Variants in NOD1 observed in about 807,000 individuals in gnomAD.
The protein encoded by NOD1 is nucleotide binding oligomerization domain containing 1.
Under a neutral mutation model 81.2 loss-of-function variants are expected in NOD1, and 70 were observed. The ratio of observed to expected loss-of-function variants is 0.86; its 90% CI spans 0.71 to 1.05. The LOEUF (loss-of-function observed/expected upper bound fraction) is 1.05. NOD1 is among the 50% of genes least tolerant of loss of function. The probability of loss-of-function intolerance (pLI) is 0.00; values close to 1 mark genes in which losing one functional copy is unlikely to be tolerated. For synonymous variants in NOD1, 508 were observed against 526.9 expected, an observed-to-expected ratio of 0.96 and a Z score of 0.49; for missense variants, 1,233 against 1,228.0, an observed-to-expected ratio of 1.00 and a Z score of -0.06.
intron 4 of NOD1, 28 bp downstream of exon 4, chr7:30,456,693 G>GT: frequency 6.2e-7 from 1 of 1,605,200 alleles, no homozygotes; most frequent in Non-Finnish European, 8.5e-7. Context: ...TCCACACAAT[G>GT]CCATGCCCGT....
intron 12 of NOD1, among the ~76,000 whole-genome samples, chr7:30,431,824 C>T (rs1783979065): frequency 6.6e-6 from 1 of 152,166 alleles, no homozygotes; most frequent in South Asian, 2.1e-4. Context: ...AAACTATTGG[C>T]CAGGTGCAGT....
chr7:30,438,793 T>TATAGATAC (rs1483710949), intron 9 of NOD1, among the ~76,000 whole-genome samples: 1 of 152,186 alleles, frequency 6.6e-6, no homozygotes, highest in Non-Finnish European at 1.5e-5. Context: ...CCTACTATAG[T>TATAGATAC]ATAGATACAT....
intron 6 of NOD1, among the ~76,000 whole-genome samples, chr7:30,448,683 C>T (rs183344284): frequency 9.7e-4 from 148 of 152,306 alleles, no homozygotes; most frequent in African/African-American, 3.4e-3. Context: ...CCACCCTTTG[C>T]GTGTGACCTA....
chr7:30,456,039 C>T (rs1442481819), intron 4 of NOD1, among the ~76,000 whole-genome samples: 1 of 152,164 alleles, frequency 6.6e-6, no homozygotes, highest in African/African-American at 2.4e-5. Context: ...TTAAAAACGG[C>T]TTTTTTTCTT....
At chr7:30,475,925 A>G (rs1164201693) in intron 1 of NOD1, 3 of 152,206 alleles carry the variant, frequency 2.0e-5, no homozygotes, top group Non-Finnish European at 4.4e-5. Context: ...TTTTTCCAGA[A>G]ACCAGGTCAG....
In NOD1 at chr7:30,425,353, GATAAAA is replaced by G. The variant is rs974892052; in HGVS notation, c.*279_*284del. On this transcript the variant is annotated 3_prime_UTR_variant, in exon 14 of 14. Transcript: ENST00000222823. ...TCACAGCTTTATTCCTCTAGCTTCA[GATAAAA>G]ATAATTATAATAGGCAATAAAGTCT... The G allele has an allele frequency of 7.9e-6, 3 of 378,828 alleles. No individual in the cohort carries two copies. The highest frequency in any genetic ancestry group is 4.8e-6 in the Non-Finnish European group (1 of 208,014). 23.5% of individuals were successfully genotyped at this position (378,828 alleles called of 1,614,324 possible). A position where few individuals can be genotyped will look rare whatever the true frequency, so the allele number is the denominator to read the frequency against.
At position 30,456,842 on chromosome 7, in the gene NOD1, C is replaced by G; in HGVS notation, c.80G>C (p.Arg27Pro). 6.2e-7 allele frequency: 1 copy of G among 1,614,142 alleles called. No homozygotes were observed. Among genetic ancestry groups the G allele is most frequent in the Non-Finnish European group, 8.5e-7 (1 of 1,180,004 alleles). The change falls in exon 4 of 14, where the codon CGG becomes CCG. Residue 27 changes from arginine (R) to proline (P), a missense_variant. Physicochemically the swap from Arg to Pro is moderately radical, Grantham distance 103 (BLOSUM62 -2). Transcript: ENST00000222823. Reference protein sequence around the residue: ...HPHIQLLKSNRELLVTHIRNT... With the variant: ...HPHIQLLKSNPELLVTHIRNT... Reference sequence around the variant, plus strand: ...GCGGATGTGAGTGACCAGAAGTTCCCGATTGCTTTTCAGTAATTGAATGTG... The same window carrying G: ...GCGGATGTGAGTGACCAGAAGTTCCGGATTGCTTTTCAGTAATTGAATGTG...
intron 1 of NOD1, chr7:30,463,484 G>T (rs546451068): frequency 6.6e-6 from 1 of 152,416 alleles, no homozygotes; most frequent in Non-Finnish European, 1.5e-5. Flanking sequence ...TTAATATCTC[G>T]TGAGGTCACC....
At position 30,467,261 on chromosome 7, in the gene NOD1, G is replaced by A. The variant is rs1787792025; in HGVS notation, c.-351-7220C>T. Among the ~76,000 whole-genome samples the A allele has an allele frequency of 6.6e-6, 1 of 152,156 alleles. No homozygotes were observed. The highest frequency in any genetic ancestry group is 2.1e-4 in the South Asian group (1 of 4,824). On this transcript the variant is annotated intron_variant, in intron 1 of 13. Coordinates refer to ENST00000222823, the MANE Select transcript of NOD1 (RefSeq NM_006092.4). This position sits in a 1 kb window ranked among gnomAD's most constrained non-coding sequence, Gnocchi z 4.5. ...TGTAAATGCAAAGAAAACCACCTGTGAGAAGACACACGGTGTGAGAATGAA... is the reference window on the plus strand; with the variant it reads ...TGTAAATGCAAAGAAAACCACCTGTAAGAAGACACACGGTGTGAGAATGAA...
intron 3 of NOD1, among the ~76,000 whole-genome samples, chr7:30,457,920 C>A (rs1562699812): frequency 6.6e-6 from 1 of 152,140 alleles, no homozygotes; most frequent in African/African-American, 2.4e-5. Context: ...CTGTTATACA[C>A]AAGCACCCTG....
chr7:30,455,366 C>T (rs1170984506), intron 4 of NOD1, 55 bp from the exon 5 acceptor site: 2 of 1,466,062 alleles, frequency 1.4e-6, no homozygotes, highest in East Asian at 4.6e-5. Flanking sequence ...ATCCTCCTAC[C>T]ATAAGGACCC....
chr7:30,435,820 G>T (rs545602209), intron 11 of NOD1, among the ~76,000 whole-genome samples, 178 bp downstream of exon 11: 1 of 152,228 alleles, frequency 6.6e-6, no homozygotes, highest in East Asian at 1.9e-4. Context: ...TTAACTGGGT[G>T]TGGTGGTGCA....
In NOD1 at chr7:30,425,394, G is replaced by A. The variant is rs575329144; in HGVS notation, c.*244C>T. 3.8e-5 allele frequency: 21 copies of A among 554,388 alleles called. No homozygotes were observed. The highest frequency in any genetic ancestry group is 5.8e-5 in the Non-Finnish European group (18 of 310,042). The allele number at this position is 554,388 out of a possible 1,614,324, so 34.3% of individuals were successfully genotyped here. On this transcript the variant is annotated 3_prime_UTR_variant, in exon 14 of 14. Transcript: ENST00000222823. ...ATAGGCAATAAAGTCTCTTCACAGTGTATTTACTGTAACTACAACAGCTCG... is the reference window on the plus strand; with the variant it reads ...ATAGGCAATAAAGTCTCTTCACAGTATATTTACTGTAACTACAACAGCTCG...
intron 1 of NOD1, among the ~76,000 whole-genome samples, chr7:30,468,097 T>C (rs528062906): frequency 6.6e-6 from 1 of 152,114 alleles, no homozygotes; most frequent in East Asian, 1.9e-4. Flanking sequence ...AAATAATCAG[T>C]CCCCACAAAA....
intron 6 of NOD1, among the ~76,000 whole-genome samples, chr7:30,449,101 A>C (rs1261457149): frequency 6.6e-6 from 1 of 152,234 alleles, no homozygotes; most frequent in East Asian, 1.9e-4. Flanking sequence ...CTGCGTTCCA[A>C]TAAAACTTTA....
intron 1 of NOD1, among the ~76,000 whole-genome samples, chr7:30,471,607 G>A (rs1281731307): frequency 6.6e-6 from 1 of 152,224 alleles, no homozygotes; most frequent in Non-Finnish European, 1.5e-5. Flanking sequence ...AACAGAGCTG[G>A]GAAGGCACCC....
chr7:30,472,532 C>T (rs1026887516), intron 1 of NOD1, among the ~76,000 whole-genome samples: 5 of 152,258 alleles, frequency 3.3e-5, no homozygotes, highest in Non-Finnish European at 5.9e-5. Context: ...GTGCTTACTG[C>T]CCTAACCTCC....
chr7:30,425,811 C>T (rs1583637875), intron 13 of NOD1, 101 bp from the exon 14 acceptor site: 8 of 812,520 alleles, frequency 9.8e-6, no homozygotes, highest in Non-Finnish European at 1.5e-5. Context: ...GTGTATCACA[C>T]AATACACATG....
intron 9 of NOD1, 61 bp from the exon 10 acceptor site, chr7:30,437,717 C>T (rs770590898): frequency 1.7e-5 from 21 of 1,253,536 alleles, no homozygotes; most frequent in Non-Finnish European, 2.3e-5. Flanking sequence ...GCTCACCCCT[C>T]CTTTTTTGCC....
Sources: allele counts gnomAD v4.1 joint callset (sites outside exome capture counted in the v4.1 genomes callset), GRCh38; gene constraint gnomAD v4.1.1; non-coding constraint Gnocchi (gnomAD v3.1); transcripts MANE v1.5; gene names NCBI Gene and HGNC (gene_info 2026-07-23, HGNC 2026-07-21).